The following TBCK variants were observed in gnomAD, a reference collection of about 807,000 sequenced individuals.
TBCK encodes the protein TBC domain-containing protein kinase-like protein.
In TBCK, 99 loss-of-function variants were observed where a neutral mutation model predicts 113.4. The ratio of observed to expected loss-of-function variants is 0.87; its 90% confidence interval spans 0.74 to 1.03. The LOEUF is 1.03. TBCK is among the 50% of genes least tolerant of loss of function. TBCK has a pLI of 0.00. For missense variants in TBCK, 1,045 were observed against 1,061.3 expected, an observed-to-expected ratio of 0.98 and a Z score of 0.21; for synonymous variants, 369 against 370.8, an observed-to-expected ratio of 1.00 and a Z score of 0.05.
At chr4:106,270,730 C>A (rs142455860) in intron 3 of TBCK, among the ~76,000 whole-genome samples, 44 of 152,178 alleles carry the variant, frequency 2.9e-4, no homozygotes, top group Admixed American at 1.1e-3. Flanking sequence ...TGGGAGAGGG[C>A]CTGAATAATA....
At chr4:106,209,614 A>G (rs891365565) in intron 20 of TBCK, among the ~76,000 whole-genome samples, 3 of 152,148 alleles carry the variant, frequency 2.0e-5, no homozygotes, top group Non-Finnish European at 2.9e-5. Context: ...CCACATAGTT[A>G]CTCAATCAGG....
intron 5 of TBCK, among the ~76,000 whole-genome samples, chr4:106,256,441 C>T (rs979922453): frequency 5.6e-4 from 85 of 152,302 alleles, no homozygotes; most frequent in African/African-American, 1.9e-3. Context: ...AGTGCTGCCT[C>T]GAGTGTGCAC....
At chr4:106,087,734 A>G (rs1739677510) in intron 25 of TBCK, among the ~76,000 whole-genome samples, 1 of 151,992 alleles carries the variant, frequency 6.6e-6, no homozygotes, top group African/African-American at 2.4e-5. Context: ...CATATAGACC[A>G]ACGGAGCAGG....
chr4:106,092,815 C>G (rs1026285970), intron 25 of TBCK, among the ~76,000 whole-genome samples: 1 of 152,342 alleles, frequency 6.6e-6, no homozygotes, highest in East Asian at 1.9e-4. Context: ...GCTCCAGCCT[C>G]GGCCATCCCA....
intron 22 of TBCK, among the ~76,000 whole-genome samples, chr4:106,181,675 T>C (rs1351226922): frequency 5.3e-5 from 8 of 152,098 alleles, no homozygotes; most frequent in African/African-American, 1.2e-4. Context: ...GATCAGATGA[T>C]TGTAGATGTG....
At chr4:106,129,843 C>A (rs1156886924) in intron 23 of TBCK, among the ~76,000 whole-genome samples, 1 of 152,164 alleles carries the variant, frequency 6.6e-6, no homozygotes, top group African/African-American at 2.4e-5. Context: ...GTTTAGACTG[C>A]GTCAAGAGGG....
intron 23 of TBCK, among the ~76,000 whole-genome samples, chr4:106,149,216 T>C (rs767750749): frequency 6.6e-6 from 1 of 152,212 alleles, no homozygotes; most frequent in Non-Finnish European, 1.5e-5. Flanking sequence ...ACTTTCTCCA[T>C]ATCAGCAGGA....
chr4:106,214,407 A>G (rs1486421566), intron 19 of TBCK, among the ~76,000 whole-genome samples: 2 of 152,172 alleles, frequency 1.3e-5, no homozygotes, highest in Non-Finnish European at 2.9e-5. Context: ...TCAGACGATC[A>G]AATTACTCTG....
At chr4:106,293,014 T>C (rs3109960) in intron 3 of TBCK, among the ~76,000 whole-genome samples, 60,834 of 152,038 alleles carry the variant, frequency 0.4, 12,457 homozygotes, top group African/African-American at 0.47. Context: ...TCCCAACTGG[T>C]GCAGATCACC....
Position 106,137,853 on chromosome 4 carries a change from T to C in TBCK, c.2236-21475A>G, listed in dbSNP as rs1366590225. Among the ~76,000 whole-genome samples, 8 of 140,872 alleles carry C rather than the reference T, an allele frequency of 5.7e-5. 2 individuals carry two copies. Among genetic ancestry groups the C allele is most frequent in the Non-Finnish European group, 1.3e-4 (8 of 62,006 alleles). 92.4% of individuals were successfully genotyped at this position (140,872 alleles called of 152,430 possible). A position where few individuals can be genotyped will look rare whatever the true frequency, so the allele number is the denominator to read the frequency against. ...ACAGATGTACTCTGGAAAAATTGTG[T>C]ACAAGCTAAGCTTCTGTAAAGAGAG... On this transcript the variant is annotated intron_variant, in intron 23 of 25. Coordinates refer to ENST00000394708, the MANE Select transcript of TBCK (RefSeq NM_001163435.3).
At chr4:106,274,005 T>C (rs1357883503) in intron 3 of TBCK, among the ~76,000 whole-genome samples, 1 of 152,226 alleles carries the variant, frequency 6.6e-6, no homozygotes, top group African/African-American at 2.4e-5. Flanking sequence ...TACTCAGCTA[T>C]GGCTTAAAGA....
At chr4:106,198,888 AATGG>A (rs1754562250) in intron 20 of TBCK, among the ~76,000 whole-genome samples, 1 of 152,162 alleles carries the variant, frequency 6.6e-6, no homozygotes, top group Non-Finnish European at 1.5e-5. Flanking sequence ...GGTATAAGGT[AATGG>A]CAGCAAAGTT....
chr4:106,201,312 G>A (rs1180662451), intron 20 of TBCK, among the ~76,000 whole-genome samples: 1 of 151,612 alleles, frequency 6.6e-6, no homozygotes, highest in Non-Finnish European at 1.5e-5. Flanking sequence ...AATTACTCAG[G>A]ATATTGGCAC....
At chr4:106,153,119 T>C (rs919745089) in intron 23 of TBCK, among the ~76,000 whole-genome samples, 2 of 152,120 alleles carry the variant, frequency 1.3e-5, no homozygotes, top group Non-Finnish European at 2.9e-5. Flanking sequence ...GGGTTTGGTT[T>C]GCTCATTTTA....
chr4:106,305,773 T>C (rs777079322), intron 2 of TBCK, among the ~76,000 whole-genome samples: 9 of 152,118 alleles, frequency 5.9e-5, no homozygotes, highest in Non-Finnish European at 1.0e-4. Context: ...GTGAAGAAGC[T>C]AGCTAAAACC....
intron 2 of TBCK, among the ~76,000 whole-genome samples, chr4:106,298,537 G>A (rs969005212): frequency 6.6e-6 from 1 of 152,030 alleles, no homozygotes; most frequent in African/African-American, 2.4e-5. Context: ...ATGAACCCGG[G>A]AGGCAGAGCT....
chr4:106,194,942 C>T (rs1338894748), intron 20 of TBCK, among the ~76,000 whole-genome samples, 188 bp from the exon 21 acceptor site: 2 of 152,024 alleles, frequency 1.3e-5, no homozygotes, highest in Non-Finnish European at 2.9e-5. Flanking sequence ...TAAGTTCGGC[C>T]TAAAGATTTC....
At chr4:106,221,215 C>T (rs895323283) in intron 19 of TBCK, among the ~76,000 whole-genome samples, 1 of 152,122 alleles carries the variant, frequency 6.6e-6, no homozygotes, top group Non-Finnish European at 1.5e-5. Context: ...GAACTCCTGA[C>T]CTCAGGTGAT....
chr4:106,295,369 G>A (rs1479347790), intron 2 of TBCK, among the ~76,000 whole-genome samples: 1 of 151,918 alleles, frequency 6.6e-6, no homozygotes, highest in Non-Finnish European at 1.5e-5. Context: ...TTTTTCTCTT[G>A]TATTTTTCTT....
Sources: gnomAD v4.1 joint callset for allele counts (sites outside exome capture counted in the v4.1 genomes callset) on GRCh38, gnomAD v4.1.1 for gene constraint, MANE v1.5 for transcripts, NCBI Gene and HGNC (gene_info 2026-07-23, HGNC 2026-07-21) for gene names.